Variants in MTBP observed in about 807,000 individuals in gnomAD.
MTBP encodes MDM2 binding protein.
In MTBP, 101 loss-of-function variants were observed where a neutral mutation model predicts 117.0. The ratio of observed to expected loss-of-function variants is 0.86; its 90% CI spans 0.73 to 1.02. MTBP has a LOEUF of 1.02. MTBP is among the 50% of genes least tolerant of loss of function. The pLI, the probability that MTBP is intolerant of heterozygous loss-of-function variation, is 0.00. For synonymous variants in MTBP, 350 were observed against 351.5 expected, an observed-to-expected ratio of 1.00 and a Z score of 0.05; for missense variants, 970 against 1,030.9, an observed-to-expected ratio of 0.94 and a Z score of 0.81.
intron 11 of MTBP, among the ~76,000 whole-genome samples, chr8:120,481,843 C>G (rs765257239): frequency 6.6e-6 from 1 of 152,058 alleles, no homozygotes; most frequent in Admixed American, 6.6e-5. Flanking sequence ...AAGAATCATT[C>G]GGGTCCTTCA....
intron 11 of MTBP, among the ~76,000 whole-genome samples, chr8:120,478,878 A>G (rs970428175): frequency 6.6e-5 from 10 of 152,152 alleles, no homozygotes; most frequent in African/African-American, 2.4e-4. Context: ...ATAAAAAATG[A>G]TCCATAAACA....
At chr8:120,491,577 TACAC>T (rs1237273541) in intron 13 of MTBP, among the ~76,000 whole-genome samples, 8 of 152,192 alleles carry the variant, frequency 5.3e-5, no homozygotes, top group Non-Finnish European at 1.0e-4. Flanking sequence ...CATAAATACA[TACAC>T]ACACATATAT....
intron 2 of MTBP, among the ~76,000 whole-genome samples, chr8:120,448,870 C>A (rs368311628): frequency 6.6e-6 from 1 of 151,948 alleles, no homozygotes; most frequent in Non-Finnish European, 1.5e-5. Flanking sequence ...GTTTGAGGGA[C>A]GGAAAGTACA....
chr8:120,512,073 T>A (rs1158677246), intron 17 of MTBP, among the ~76,000 whole-genome samples: 1 of 152,124 alleles, frequency 6.6e-6, no homozygotes, highest in Non-Finnish European at 1.5e-5. Context: ...TTTTAGGACC[T>A]GTTAATCTGT....
In MTBP at chr8:120,451,034, G is replaced by A; in HGVS notation, c.231G>A (p.Lys77=). The part of the protein sequence containing the change: ...ACSVGGIPGS[K]KWFFAVQAIY... ...CAGTGGGAGGTATACCTGGTTCCAA[G>A]AAGTGGTTCTTTGCAGTGCAGGCAA... Residue 77 remains lysine (K), a synonymous_variant, in exon 3 of 22, where the codon AAG becomes AAA. Coordinates refer to ENST00000305949, the MANE Select transcript of MTBP (RefSeq NM_022045.5). The A allele has an allele frequency of 6.2e-7, 1 of 1,612,552 alleles. No individual in the cohort carries two copies. The highest frequency in any genetic ancestry group is 1.3e-5 in the African/African-American group (1 of 74,964).
Position 120,485,041 on chromosome 8 carries a change from A to AGATATAC in MTBP, c.1166-3118_1166-3117insGATATAC, listed in dbSNP as rs1814180125. ...TAATATTTCATCACTTAGATATACC[A>AGATATAC]CATTTTATTTATCCACACATCAGTT... On this transcript the variant is annotated intron_variant, in intron 11 of 21. Coordinates refer to ENST00000305949, the MANE Select transcript of MTBP (RefSeq NM_022045.5). Among the ~76,000 whole-genome samples, 8 of 101,614 alleles carry AGATATAC rather than the reference A, an allele frequency of 7.9e-5. No homozygotes were observed. In the Admixed American group the frequency reaches 8.5e-4, roughly 11 times the overall value. 66.7% of individuals were successfully genotyped at this position (101,614 alleles called of 152,430 possible). A position where few individuals can be genotyped will look rare whatever the true frequency, so the allele number is the denominator to read the frequency against.
chr8:120,500,960 G>A (rs188323077), intron 14 of MTBP, among the ~76,000 whole-genome samples: 2,073 of 152,114 alleles, frequency 0.014, 41 homozygotes, highest in African/African-American at 0.046. Context: ...GGGAGGCCGA[G>A]GTGGGTGGAT....
chr8:120,482,690 CT>C lies in MTBP; in HGVS notation c.1166-5458del, dbSNP rs1301120509. Among the ~76,000 whole-genome samples, 72 of 146,668 alleles carry C rather than the reference CT, an allele frequency of 4.9e-4. 1 individual carries two copies. The highest frequency in any genetic ancestry group is 9.9e-4 in the African/African-American group (40 of 40,224). On this transcript the variant is annotated intron_variant, in intron 11 of 21. Transcript: ENST00000305949. ...ACACCTATTCAACAGTACTATTCTT[CT>C]TTTTTTTTTTCTTTCTTTCTTTTTT... is the stretch of plus-strand genomic sequence containing the variant.
chr8:120,448,478 A>T (rs1813271991), intron 2 of MTBP, among the ~76,000 whole-genome samples: 1 of 152,210 alleles, frequency 6.6e-6, no homozygotes, highest in South Asian at 2.1e-4. Flanking sequence ...TTTATAAAAT[A>T]TCACATGGGT....
chr8:120,475,870 C>A (rs1420489225), intron 11 of MTBP, among the ~76,000 whole-genome samples: 1 of 151,990 alleles, frequency 6.6e-6, no homozygotes, highest in Non-Finnish European at 1.5e-5. Flanking sequence ...GAATGATCAT[C>A]TGCAACCTAA....
intron 10 of MTBP, among the ~76,000 whole-genome samples, chr8:120,465,639 A>G (rs1259691286): frequency 1.3e-5 from 2 of 150,598 alleles, no homozygotes; most frequent in Admixed American, 1.3e-4. Context: ...AGAAATTTGT[A>G]GAAATCTTAT....
intron 7 of MTBP, 138 bp downstream of exon 7, chr8:120,456,808 A>T (rs1813479453): frequency 1.6e-6 from 1 of 634,164 alleles, no homozygotes. Context: ...TGCAATAATT[A>T]AATGTTCTAT....
At chr8:120,518,252 G>A in intron 19 of MTBP, 152 bp downstream of exon 19, 2 of 847,940 alleles carry the variant, frequency 2.4e-6, no homozygotes, top group South Asian at 2.0e-5. Flanking sequence ...AAGTAGGTGG[G>A]GATATAATTG....
intron 10 of MTBP, among the ~76,000 whole-genome samples, chr8:120,469,033 G>T (rs1257046606): frequency 1.3e-5 from 2 of 151,742 alleles, no homozygotes; most frequent in African/African-American, 4.8e-5. Context: ...GCTTTTGGGG[G>T]TTTATTTATT....
At chr8:120,496,870 A>T (rs1814476227) in intron 13 of MTBP, among the ~76,000 whole-genome samples, 1 of 152,166 alleles carries the variant, frequency 6.6e-6, no homozygotes, top group African/African-American at 2.4e-5. Flanking sequence ...GTGCCTCTCT[A>T]CAGGCATCCA....
chr8:120,461,107 G>C, intron 8 of MTBP, 54 bp from the exon 9 acceptor site: 1 of 1,299,830 alleles, frequency 7.7e-7, no homozygotes, highest in Non-Finnish European at 1.1e-6. Context: ...TCACTAATTT[G>C]TTTACTTTTG....
At chr8:120,514,163 G>T (rs1224284241) in intron 17 of MTBP, among the ~76,000 whole-genome samples, 1 of 151,764 alleles carries the variant, frequency 6.6e-6, no homozygotes, top group Non-Finnish European at 1.5e-5. Flanking sequence ...GATCACTGTA[G>T]CCAGGCAAAC....
Position 120,461,151 on chromosome 8 carries a change from T to G in MTBP, c.883-10T>G, listed in dbSNP as rs1352084921. 2 of 1,536,230 alleles carry G rather than the reference T, an allele frequency of 1.3e-6. No homozygotes were observed. Among genetic ancestry groups the G allele is most frequent in the South Asian group, 1.1e-5 (1 of 88,878 alleles). On this transcript the variant is annotated splice_polypyrimidine_tract_variant and intron_variant, in intron 8 of 21. Transcript: ENST00000305949. ...ATTTAAATATTACACAATTTTAATT[T>G]CTTTTCTAGGTTTTCCATTATTATG...
At chr8:120,490,690 A>G (rs1814326062) in intron 13 of MTBP, 120 bp downstream of exon 13, 4 of 598,966 alleles carry the variant, frequency 6.7e-6, no homozygotes, top group Admixed American at 7.3e-5. Flanking sequence ...CTACTTAATT[A>G]TAGAACTATT....
Sources: allele counts gnomAD v4.1 joint callset (sites outside exome capture counted in the v4.1 genomes callset), GRCh38; gene constraint gnomAD v4.1.1; transcripts MANE v1.5; gene names NCBI Gene and HGNC (gene_info 2026-07-23, HGNC 2026-07-21).